The following DENND4C variants were observed in gnomAD, a reference collection of about 807,000 sequenced individuals.
DENND4C encodes the protein DENN domain containing 4C.
DENND4C carries 108 observed loss-of-function variants against 203.0 expected under a neutral mutation model. The observed-to-expected ratio is 0.53, with a 90% confidence interval of 0.46 to 0.62. The LOEUF (loss-of-function observed/expected upper bound fraction) is 0.62. Among genes scored for constraint, DENND4C ranks in the 20% least tolerant of loss-of-function variants. The pLI, the probability that DENND4C is intolerant of heterozygous loss-of-function variation, is 0.00. For synonymous variants in DENND4C, 871 were observed against 792.4 expected (o/e 1.10, Z -1.67); for missense variants, 2,481 against 2,301.2 (o/e 1.08, Z -1.60).
chr9:19,357,608 G>A, intron 27 of DENND4C: 1 of 212,558 alleles, frequency 4.7e-6, no homozygotes, highest in South Asian at 1.1e-4. Context: ...TTAAATACTT[G>A]TCAGTGTCTT....
At chr9:19,232,021 G>C (rs974347814) in intron 1 of DENND4C, among the ~76,000 whole-genome samples, 2 of 152,076 alleles carry the variant, frequency 1.3e-5, no homozygotes, top group African/African-American at 4.8e-5. Context: ...ATTTTTCTGT[G>C]TACACGCGAT....
Position 19,373,853 on chromosome 9 carries a change from T to C in DENND4C, c.*1680T>C, listed in dbSNP as rs917044103. ...ACCTGATGTAACCATTTACAAATTA[T>C]AGTTATTGTACCAGTCTTTCAACAT... On this transcript the variant is annotated 3_prime_UTR_variant, in exon 33 of 33. Coordinates refer to ENST00000434457, the MANE Select transcript of DENND4C (RefSeq NM_001330640.2). 4.6e-5 allele frequency among the ~76,000 whole-genome samples: 7 copies of C among 152,132 alleles called. No individual in the cohort carries two copies. Among genetic ancestry groups the C allele is most frequent in the African/African-American group, 7.2e-5 (3 of 41,466 alleles).
intron 16 of DENND4C, among the ~76,000 whole-genome samples, chr9:19,329,235 G>C (rs1198011881): frequency 6.7e-6 from 1 of 149,854 alleles, no homozygotes; most frequent in Admixed American, 6.6e-5. Flanking sequence ...TCAATCCCCA[G>C]CAGCCCTAGG....
At position 19,372,451 on chromosome 9, in the gene DENND4C, T is replaced by C. The variant is rs918761039; in HGVS notation, c.*278T>C. On this transcript the variant is annotated 3_prime_UTR_variant, in exon 33 of 33. Transcript: ENST00000434457. The stretch of plus-strand genomic sequence containing the variant: ...CTTTGGGATTCTTCAGTATTTGTAG[T>C]AGTTTGATAGAAATAATGAGGAACC... 3.4e-6 allele frequency: 1 copy of C among 294,658 alleles called. No homozygotes were observed. The allele number at this position is 294,658 out of a possible 1,614,324, so 18.3% of individuals were successfully genotyped here.
chr9:19,271,779 C>T (rs955518472), intron 1 of DENND4C, among the ~76,000 whole-genome samples: 2 of 151,036 alleles, frequency 1.3e-5, no homozygotes, highest in East Asian at 2.0e-4. Flanking sequence ...GCAGGAGAAT[C>T]GCTTGAACCT....
chr9:19,370,138 T>A (rs958967400), intron 31 of DENND4C, 151 bp downstream of exon 31: 2 of 937,082 alleles, frequency 2.1e-6, no homozygotes, highest in East Asian at 2.8e-5. Context: ...ATATATACAT[T>A]CCTACTTGAA....
At position 19,346,960 on chromosome 9, in the gene DENND4C, A is replaced by C; in HGVS notation, c.4191A>C (p.Leu1397=). Residue 1397 remains leucine (L), a synonymous_variant, in exon 23 of 33, where the codon CTA becomes CTC. Coordinates refer to ENST00000434457, the MANE Select transcript of DENND4C (RefSeq NM_001330640.2). ...CTGTAGTAAATTCTTTGTCAGGGCT[A>C]AAGCTGGATAATATACTCTCAGGGC... The part of the protein sequence containing the change: ...LGSVVNSLSG[L]KLDNILSGPK... The C allele has an allele frequency of 6.2e-7, 1 of 1,614,196 alleles. No homozygotes were observed. Among genetic ancestry groups the C allele is most frequent in the Non-Finnish European group, 8.5e-7 (1 of 1,180,036 alleles).
At chr9:19,351,930 A>G (rs1047022656) in intron 24 of DENND4C, 143 bp from the exon 25 acceptor site, 9 of 599,790 alleles carry the variant, frequency 1.5e-5, no homozygotes, top group South Asian at 6.6e-5. Flanking sequence ...ATCTCTTTCT[A>G]TGTATGCATA....
intron 27 of DENND4C, chr9:19,357,742 A>G (rs1313727845): frequency 1.2e-5 from 5 of 426,528 alleles, no homozygotes; most frequent in African/African-American, 7.9e-5. Flanking sequence ...TATATCTACA[A>G]TATGTCATCT....
At chr9:19,257,828 T>A (rs896629569) in intron 1 of DENND4C, among the ~76,000 whole-genome samples, 1 of 152,078 alleles carries the variant, frequency 6.6e-6, no homozygotes, top group African/African-American at 2.4e-5. Context: ...ACTACAAAAG[T>A]TTATTCAGGA....
rs951723603 is a variant in DENND4C at position 19,232,260 on chromosome 9, C to G, written c.-18+1427C>G. 4.6e-5 allele frequency among the ~76,000 whole-genome samples: 7 copies of G among 151,866 alleles called. 1 individual carries two copies. Among genetic ancestry groups the G allele is most frequent in the Admixed American group, 4.6e-4 (7 of 15,246 alleles). ...TGCCTGTCATATAGGCTTGCTTTGA[C>G]TTGTTTTTTTTTTCAGTAGTGGCAA... On this transcript the variant is annotated intron_variant, in intron 1 of 32. Transcript: ENST00000434457.
chr9:19,343,607 T>C (rs1588957634), intron 22 of DENND4C, among the ~76,000 whole-genome samples: 1 of 152,234 alleles, frequency 6.6e-6, no homozygotes, highest in East Asian at 1.9e-4. Flanking sequence ...CATTACTTGT[T>C]TGGGTAGTGC....
chr9:19,354,940 T>C (rs1825054635), intron 26 of DENND4C, among the ~76,000 whole-genome samples: 1 of 150,682 alleles, frequency 6.6e-6, no homozygotes, highest in African/African-American at 2.4e-5. Flanking sequence ...GATGGAGTCT[T>C]GCTCTGTCAC....
At chr9:19,234,537 T>TTG (rs1554706157) in intron 1 of DENND4C, among the ~76,000 whole-genome samples, 1 of 148,842 alleles carries the variant, frequency 6.7e-6, no homozygotes, top group Non-Finnish European at 1.5e-5. Flanking sequence ...GCTGTTTTTT[T>TTG]TTTTTTTTTT....
intron 32 of DENND4C, 72 bp from the exon 33 acceptor site, chr9:19,371,965 A>G (rs1023530520): frequency 2.7e-6 from 4 of 1,497,474 alleles, no homozygotes; most frequent in Non-Finnish European, 3.6e-6. Flanking sequence ...ATTTGACTCA[A>G]TACCAATTTG....
chr9:19,369,027 G>C (rs377604977), intron 30 of DENND4C, among the ~76,000 whole-genome samples: 1 of 150,780 alleles, frequency 6.6e-6, no homozygotes, highest in Admixed American at 6.6e-5. Context: ...GTGCATGCCT[G>C]TAGTCCTAGC....
chr9:19,251,059 A>G (rs1226530639), intron 1 of DENND4C, among the ~76,000 whole-genome samples: 1 of 152,178 alleles, frequency 6.6e-6, no homozygotes, highest in African/African-American at 2.4e-5. Flanking sequence ...CTCCCACCCC[A>G]CATTTCCCTT....
intron 17 of DENND4C, among the ~76,000 whole-genome samples, chr9:19,334,075 A>T (rs934234379): frequency 6.6e-6 from 1 of 151,688 alleles, no homozygotes; most frequent in Non-Finnish European, 1.5e-5. Flanking sequence ...AGACAGTTTT[A>T]CTCTTTTCCT....
intron 1 of DENND4C, among the ~76,000 whole-genome samples, chr9:19,241,290 G>C (rs1044807344): frequency 6.6e-6 from 1 of 151,886 alleles, no homozygotes; most frequent in South Asian, 2.1e-4. Flanking sequence ...TTTGACTCTC[G>C]TAACAACACT....
Sources: gnomAD v4.1 joint callset for allele counts (sites outside exome capture counted in the v4.1 genomes callset) on GRCh38, gnomAD v4.1.1 for gene constraint, MANE v1.5 for transcripts, NCBI Gene and HGNC (gene_info 2026-07-23, HGNC 2026-07-21) for gene names.